The following ACACB variants were observed in gnomAD, a reference collection of about 807,000 sequenced individuals.
ACACB encodes the protein acetyl-CoA carboxylase beta.
Under a neutral mutation model 278.8 loss-of-function variants are expected in ACACB, and 209 were observed. The ratio of observed to expected loss-of-function variants is 0.75; its 90% CI spans 0.67 to 0.84. The LOEUF is 0.84. ACACB is among the 40% of genes least tolerant of loss of function. The pLI, the probability that ACACB is intolerant of heterozygous loss-of-function variation, is 0.00. For synonymous variants in ACACB, 1,174 were observed against 1,285.6 expected, an observed-to-expected ratio of 0.91 and a Z score of 1.86; for missense variants, 2,850 against 3,269.0, an observed-to-expected ratio of 0.87 and a Z score of 3.13.
At position 109,209,206 on chromosome 12, in the gene ACACB, C is replaced by A. The variant is rs1198051357; in HGVS notation, c.3102C>A (p.His1034Gln). 6.2e-7 allele frequency: 1 copy of A among 1,608,724 alleles called. No individual in the cohort carries two copies. The highest frequency in any genetic ancestry group is 8.5e-7 in the Non-Finnish European group (1 of 1,178,398). Residue 1034 changes from histidine to glutamine, a missense_variant, in exon 21 of 53, where the codon CAC (histidine) becomes CAA (glutamine). Coordinates refer to ENST00000338432, the MANE Select transcript of ACACB (RefSeq NM_001093.4). Reference sequence around the variant, plus strand: ...AGAAGCTCATGATGACCCTCCGGCACCCGTCACTGCCGCTGCTGGAGCTGC... The same window carrying A: ...AGAAGCTCATGATGACCCTCCGGCAACCGTCACTGCCGCTGCTGGAGCTGC... ...WVQKLMMTLRHPSLPLLELQE... is the reference protein window; with the variant it reads ...WVQKLMMTLRQPSLPLLELQE...
At chr12:109,265,967 T>A (rs951627871) in intron 52 of ACACB, among the ~76,000 whole-genome samples, 1 of 152,236 alleles carries the variant, frequency 6.6e-6, no homozygotes, top group African/African-American at 2.4e-5. Context: ...GGACCCCATT[T>A]TGGGGATGAA....
In ACACB at chr12:109,265,554, C is replaced by T. The variant is rs368567589; in HGVS notation, c.7250+29C>T. 4 of 1,609,540 alleles carry T rather than the reference C, an allele frequency of 2.5e-6. No homozygotes were observed. The African/African-American group carries it at 5.3e-5, about 22-fold the overall frequency. Reference sequence around the variant, plus strand: ...AGTGGCCACCGCACCTGCTTCCCAGCCTCCTGGCAAGGACCCGAGCCTGGA... The same window carrying T: ...AGTGGCCACCGCACCTGCTTCCCAGTCTCCTGGCAAGGACCCGAGCCTGGA... On this transcript the variant is annotated intron_variant, in intron 52 of 52. Transcript: ENST00000338432.
chr12:109,167,759 C>A, intron 3 of ACACB, 137 bp from the exon 4 acceptor site: 1 of 1,323,166 alleles, frequency 7.6e-7, no homozygotes, highest in East Asian at 2.5e-5. Context: ...CATGGAAATA[C>A]ATAGAAATAC....
rs549651457 is a variant in ACACB at position 109,228,396 on chromosome 12, G to A, written c.4001+907G>A. 7.9e-5 allele frequency among the ~76,000 whole-genome samples: 12 copies of A among 151,470 alleles called. No individual in the cohort carries two copies. In the South Asian group the frequency reaches 2.3e-3, roughly 29 times the overall value. The stretch of plus-strand genomic sequence containing the variant: ...GAGCCAGCCATGGTGGCCCACACCT[G>A]TAATCCTAGCACTTCGGAGGGCTGA... On this transcript the variant is annotated intron_variant, in intron 28 of 52. Transcript: ENST00000338432.
chr12:109,139,126 TATA>T (rs1252060924), intron 1 of ACACB, among the ~76,000 whole-genome samples: 2 of 152,176 alleles, frequency 1.3e-5, no homozygotes, highest in Non-Finnish European at 2.9e-5. Flanking sequence ...CTTGGAATCG[TATA>T]ATATGTGACC....
chr12:109,174,731 A>G (rs1040582277), intron 7 of ACACB, among the ~76,000 whole-genome samples: 3 of 151,752 alleles, frequency 2.0e-5, no homozygotes, highest in African/African-American at 7.3e-5. Context: ...TTAACTGGTT[A>G]TGGTGGTGCA....
chr12:109,171,714 C>G (rs150338550), intron 4 of ACACB, 91 bp from the exon 5 acceptor site: 4 of 965,346 alleles, frequency 4.1e-6, no homozygotes, highest in Non-Finnish European at 4.8e-6. Context: ...GTTCTGCTTT[C>G]CATGGCTGTA....
At chr12:109,261,619 C>A (rs558045958) in intron 48 of ACACB, among the ~76,000 whole-genome samples, 1 of 151,904 alleles carries the variant, frequency 6.6e-6, no homozygotes, top group Non-Finnish European at 1.5e-5. Context: ...GCCTGTAATC[C>A]CAGCATTTTG....
intron 31 of ACACB, among the ~76,000 whole-genome samples, chr12:109,234,272 A>G (rs1295845832): frequency 1.3e-5 from 2 of 152,156 alleles, no homozygotes; most frequent in African/African-American, 4.8e-5. Context: ...ATTCAATGAC[A>G]AAGTATATAC....
intron 19 of ACACB, among the ~76,000 whole-genome samples, chr12:109,206,438 A>AAAAAAAAAAAAAAAAC (rs2045514808): frequency 1.3e-5 from 2 of 151,490 alleles, no homozygotes; most frequent in Non-Finnish European, 2.9e-5. Context: ...CAAAAAAAAA[A>AAAAAAAAAAAAAAAAC]AAAAAACAGA....
intron 27 of ACACB, among the ~76,000 whole-genome samples, chr12:109,226,274 A>G (rs2046309282): frequency 6.6e-6 from 1 of 152,178 alleles, no homozygotes; most frequent in Non-Finnish European, 1.5e-5. Context: ...CTGTCTCAAA[A>G]GTAAATAAAT....
At chr12:109,240,596 T>G (rs1480191839) in intron 35 of ACACB, among the ~76,000 whole-genome samples, 1 of 148,216 alleles carries the variant, frequency 6.7e-6, no homozygotes, top group Non-Finnish European at 1.5e-5. Flanking sequence ...GTATTTTATT[T>G]TATTATTTAA....
At chr12:109,224,412 A>G (rs2046259904) in intron 27 of ACACB, among the ~76,000 whole-genome samples, 1 of 151,786 alleles carries the variant, frequency 6.6e-6, no homozygotes, top group Non-Finnish European at 1.5e-5. Flanking sequence ...CAAAACCCAG[A>G]TTAGAGCCAG....
intron 37 of ACACB, among the ~76,000 whole-genome samples, chr12:109,243,893 A>ATATATT (rs1555231794): frequency 5.5e-5 from 8 of 144,986 alleles, no homozygotes; most frequent in Middle Eastern, 3.3e-3. Context: ...ATATATATAT[A>ATATATT]TATTTATTTA....
At chr12:109,221,856 G>A (rs2046169398) in intron 24 of ACACB, among the ~76,000 whole-genome samples, 1 of 150,432 alleles carries the variant, frequency 6.6e-6, no homozygotes, top group African/African-American at 2.5e-5. Context: ...CTGGCACATA[G>A]TATGTGCCTG....
intron 2 of ACACB, among the ~76,000 whole-genome samples, chr12:109,151,464 C>G (rs921680016): frequency 6.6e-6 from 1 of 151,078 alleles, no homozygotes; most frequent in Non-Finnish European, 1.5e-5. Flanking sequence ...TAACACAGTC[C>G]CCCCCACCCC....
chr12:109,190,572 A>G (rs1373557009), intron 13 of ACACB, among the ~76,000 whole-genome samples: 2 of 151,948 alleles, frequency 1.3e-5, no homozygotes, highest in Non-Finnish European at 2.9e-5. Context: ...CTCTGGGGAC[A>G]GGAGATTTGA....
At chr12:109,178,488 AG>A (rs1475719683) in intron 9 of ACACB, among the ~76,000 whole-genome samples, 5 of 152,240 alleles carry the variant, frequency 3.3e-5, no homozygotes, top group African/African-American at 1.2e-4. Flanking sequence ...GAAGAAAGCC[AG>A]TTTGGACACC....
chr12:109,206,903 A>C (rs996226598), intron 20 of ACACB, 47 bp downstream of exon 20: 36 of 1,608,118 alleles, frequency 2.2e-5, no homozygotes, highest in Admixed American at 8.3e-5. Flanking sequence ...GCGGAGGGTC[A>C]GAAGATCTAC....
Sources: gnomAD v4.1 joint callset for allele counts (sites outside exome capture counted in the v4.1 genomes callset) on GRCh38, gnomAD v4.1.1 for gene constraint, MANE v1.5 for transcripts, NCBI Gene and HGNC (gene_info 2026-07-23, HGNC 2026-07-21) for gene names.